Variants in ADCK2 observed in about 807,000 individuals in gnomAD.
ADCK2 encodes the protein aarF domain containing kinase 2.
Under a neutral mutation model 52.3 loss-of-function variants are expected in ADCK2, and 37 were observed. The ratio of observed to expected loss-of-function variants is 0.71; its 90% CI spans 0.54 to 0.93. The LOEUF is 0.93. Among genes scored for constraint, ADCK2 ranks in the 40% least tolerant of loss-of-function variants. ADCK2 has a pLI of 0.00. For synonymous variants in ADCK2, 321 were observed against 349.2 expected, an observed-to-expected ratio of 0.92 and a Z score of 0.90; for missense variants, 695 against 798.7, an observed-to-expected ratio of 0.87 and a Z score of 1.56.
rs1224449199 is a variant in ADCK2, at chr7:140,694,691, T to C, written c.1769T>C (p.Ile590Thr). 1.7e-5 allele frequency: 28 copies of C among 1,613,962 alleles called. No homozygotes were observed. In the East Asian group the frequency reaches 2.0e-4, roughly 12 times the overall value. Residue 590 changes from isoleucine (I) to threonine (T), a missense_variant, in exon 8 of 8, where the codon ATT becomes ACT. Transcript: ENST00000072869. ...AAGCTTGAGAGCAACTTTGCCTCCA[T>C]TGTGTTTGCCATCATGGTGTTGGAG... Reference protein sequence around the residue: ...KVKLESNFASIVFAIMVLEGL... With the variant: ...KVKLESNFASTVFAIMVLEGL...
chr7:140,690,888 TG>T, intron 7 of ADCK2, 75 bp downstream of exon 7: 1 of 1,318,462 alleles, frequency 7.6e-7, no homozygotes. Flanking sequence ...CACAGGGTGG[TG>T]GGAGGCGCTT....
intron 7 of ADCK2, among the ~76,000 whole-genome samples, chr7:140,694,403 T>C (rs745735607): frequency 2.0e-5 from 3 of 152,242 alleles, no homozygotes; most frequent in Non-Finnish European, 2.9e-5. Flanking sequence ...CATTCATTCA[T>C]ACACACATGG....
chr7:140,690,568 AGGTGGAGTT>A (rs1449823066), intron 6 of ADCK2, among the ~76,000 whole-genome samples, 183 bp from the exon 7 acceptor site: 1 of 151,308 alleles, frequency 6.6e-6, no homozygotes, highest in African/African-American at 2.4e-5. Flanking sequence ...CCGAGTCTTG[AGGTGGAGTT>A]GGGCTTGTGC....
intron 7 of ADCK2, among the ~76,000 whole-genome samples, chr7:140,692,628 C>T (rs879322674): frequency 6.6e-5 from 10 of 152,184 alleles, no homozygotes; most frequent in Admixed American, 3.9e-4. Context: ...CGAAGTGCTG[C>T]GATGACAGGC....
At position 140,689,731 on chromosome 7, in the gene ADCK2, C is replaced by T; in HGVS notation, c.1686+6C>T. The T allele has an allele frequency of 6.2e-7, 1 of 1,608,372 alleles. No individual in the cohort carries two copies. The highest frequency in any genetic ancestry group is 8.5e-7 in the Non-Finnish European group (1 of 1,176,742). On this transcript the variant is annotated splice_donor_region_variant and intron_variant, in intron 6 of 7. Coordinates refer to ENST00000072869, the MANE Select transcript of ADCK2 (RefSeq NM_052853.4). ...ACACCATCACCCTGGAGAAGGTGGG[C>T]AGGTCACTTGCGGAACAGGGGCTGG...
Position 140,678,409 on chromosome 7 carries a change from G to A in ADCK2, c.1081-746G>A, listed in dbSNP as rs1450769329. Among the ~76,000 whole-genome samples the A allele has an allele frequency of 1.3e-5, 2 of 152,148 alleles. No homozygotes were observed. The highest frequency in any genetic ancestry group is 3.9e-4 in the East Asian group (2 of 5,190). On this transcript the variant is annotated intron_variant, in intron 2 of 7. Transcript: ENST00000072869. The surrounding 1 kb of genome is among the most constrained non-coding windows in gnomAD (Gnocchi z 4.9). ...GACTGGCATTGAGGTCTGACCTGGG[G>A]ATCAAGGTGCTGTCAGAGGAGGCGC...
In ADCK2 at chr7:140,674,162, C is replaced by G; in HGVS notation, c.832C>G (p.Leu278Val). Residue 278 changes from leucine to valine, a missense_variant, in exon 1 of 8, where the codon CTC (leucine) becomes GTC (valine). Coordinates refer to ENST00000072869, the MANE Select transcript of ADCK2 (RefSeq NM_052853.4). This position sits in a 1 kb window ranked among gnomAD's most constrained non-coding sequence, Gnocchi z 4.6. ...ADQSFLERLL[L>V]PKADLVGSNA... ...CCAGTCGTTTCTAGAAAGGCTGCTC[C>G]TCCCTAAAGCTGACCTGGTTGGATC... 3 of 1,614,098 alleles carry G rather than the reference C, an allele frequency of 1.9e-6. No individual in the cohort carries two copies. The highest frequency in any genetic ancestry group is 1.7e-6 in the Non-Finnish European group (2 of 1,180,048).
intron 7 of ADCK2, among the ~76,000 whole-genome samples, chr7:140,692,380 CA>C (rs1300967799): frequency 6.6e-6 from 1 of 152,224 alleles, no homozygotes; most frequent in Non-Finnish European, 1.5e-5. Context: ...CCTTTTGAGA[CA>C]GGGTCTCACT....
rs377605396 is a variant in ADCK2 at position 140,678,365 on chromosome 7, T to C, written c.1081-790T>C. ...CCCACCGGGCCACATCCAGGTGTCA[T>C]TGGATATATCACTCTGGAGACTGGC... On this transcript the variant is annotated intron_variant, in intron 2 of 7. Coordinates refer to ENST00000072869, the MANE Select transcript of ADCK2 (RefSeq NM_052853.4). This position sits in a 1 kb window ranked among gnomAD's most constrained non-coding sequence, Gnocchi z 4.9. Among the ~76,000 whole-genome samples the C allele has an allele frequency of 5.3e-5, 8 of 152,138 alleles. No individual in the cohort carries two copies. The East Asian group carries it at 7.7e-4, about 15-fold the overall frequency.
rs755737527 is a variant in ADCK2 at position 140,681,077 on chromosome 7, A to G, written c.1245A>G (p.Gly415=). The change falls in exon 4 of 8, where the codon GGA becomes GGG. Residue 415 remains glycine, a synonymous_variant. Coordinates refer to ENST00000072869, the MANE Select transcript of ADCK2 (RefSeq NM_052853.4). ...CTGTGTCCAGTTACCAGCAGGCAGGAATTCCCGTGGACTTGAAAAGGAAGA... is the reference window on the plus strand; with the variant it reads ...CTGTGTCCAGTTACCAGCAGGCAGGGATTCCCGTGGACTTGAAAAGGAAGA... ...SVPVSSYQQA[G]IPVDLKRKIA... The G allele has an allele frequency of 6.2e-7, 1 of 1,614,132 alleles. No homozygotes were observed. Among genetic ancestry groups the G allele is most frequent in the Non-Finnish European group, 8.5e-7 (1 of 1,180,032 alleles).
intron 5 of ADCK2, among the ~76,000 whole-genome samples, chr7:140,688,948 GT>G (rs995857074): frequency 6.6e-6 from 1 of 151,626 alleles, no homozygotes; most frequent in African/African-American, 2.4e-5. Flanking sequence ...AAAGAGAACT[GT>G]TTTTTTTAAA....
Position 140,673,948 on chromosome 7 carries a change from GGGCTCAGGCTGCGT to G in ADCK2, c.622_635del (p.Ser208ProfsTer15), listed in dbSNP as rs1563205270. ...TCTCTTTTGAGAACCGGGAACCTGT[GGGCTCAGGCTGCGT>G]GGCCCAGGTGTACAAAGCATACGCC... On this transcript the variant is annotated frameshift_variant, in exon 1 of 8. Coordinates refer to ENST00000072869, the MANE Select transcript of ADCK2 (RefSeq NM_052853.4). LOFTEE classifies it high-confidence loss of function. This position sits in a 1 kb window ranked among gnomAD's most constrained non-coding sequence, Gnocchi z 6.4. 2 of 1,614,016 alleles carry G rather than the reference GGGCTCAGGCTGCGT, an allele frequency of 1.2e-6. No homozygotes were observed. The highest frequency in any genetic ancestry group is 2.2e-5 in the East Asian group (1 of 44,878).
intron 2 of ADCK2, among the ~76,000 whole-genome samples, chr7:140,677,020 CTCAA>C (rs965712013): frequency 2.2e-5 from 3 of 134,462 alleles, no homozygotes; most frequent in Non-Finnish European, 4.6e-5. Context: ...GAGATCCCAT[CTCAA>C]ACAAACAAAC....
chr7:140,690,352 G>A (rs1048655492), intron 6 of ADCK2, among the ~76,000 whole-genome samples: 9 of 152,096 alleles, frequency 5.9e-5, no homozygotes, highest in Non-Finnish European at 1.2e-4. Flanking sequence ...ACAGGCACCC[G>A]CCACCACACC....
At chr7:140,680,402 T>C (rs897982771) in intron 3 of ADCK2, among the ~76,000 whole-genome samples, 16 of 152,046 alleles carry the variant, frequency 1.1e-4, no homozygotes, top group African/African-American at 3.4e-4. Flanking sequence ...ATCCTCCTGC[T>C]TTGGTTTCCA....
chr7:140,690,868 A>AG, intron 7 of ADCK2, 55 bp downstream of exon 7: 1 of 1,522,404 alleles, frequency 6.6e-7, no homozygotes, highest in Non-Finnish European at 9.1e-7. Flanking sequence ...GGCAGGGAGG[A>AG]ATGGGAGGAC....
In ADCK2 at chr7:140,673,608, T is replaced by A. The variant is rs1454118567; in HGVS notation, c.278T>A (p.Val93Asp). The change falls in exon 1 of 8, where the codon GTC becomes GAC. Residue 93 changes from valine (V) to aspartate (D), a missense_variant. Physicochemically the swap from Val to Asp is radical, Grantham distance 152. Transcript: ENST00000072869. This position sits in a 1 kb window ranked among gnomAD's most constrained non-coding sequence, Gnocchi z 6.4. The stretch of plus-strand genomic sequence containing the variant: ...CCCCGAGCGGGACCTCTGGGCGGCG[T>A]CTTCCTGCATCTCCGCCTCTGGCTT... ...SLPRAGPLGG[V>D]FLHLRLWLRA... The A allele has an allele frequency of 6.2e-7, 1 of 1,607,848 alleles. No individual in the cohort carries two copies. The highest frequency in any genetic ancestry group is 1.1e-5 in the South Asian group (1 of 91,042).
intron 4 of ADCK2, 134 bp from the exon 5 acceptor site, chr7:140,686,856 G>T: frequency 1.7e-6 from 2 of 1,168,038 alleles, no homozygotes; most frequent in East Asian, 2.4e-5. Context: ...AACAAGAAGG[G>T]TCTATAGGAC....
intron 3 of ADCK2, 46 bp from the exon 4 acceptor site, chr7:140,680,996 A>C: frequency 1.3e-6 from 2 of 1,556,858 alleles, no homozygotes; most frequent in Non-Finnish European, 1.8e-6. Context: ...AGCCAGCATC[A>C]CAGGCTGGCT....
Sources: allele counts gnomAD v4.1 joint callset (sites outside exome capture counted in the v4.1 genomes callset), GRCh38; gene constraint gnomAD v4.1.1; non-coding constraint Gnocchi (gnomAD v3.1); transcripts MANE v1.5; gene names NCBI Gene and HGNC (gene_info 2026-07-23, HGNC 2026-07-21).